TOX2: variants seen among roughly 807,000 people sequenced by gnomAD.
The protein encoded by TOX2 is granulosa cell HMG box 1.
A neutral mutation model predicts 47.4 loss-of-function variants in TOX2; 15 were observed. The observed-to-expected ratio is 0.32, with a 90% CI of 0.21 to 0.49. The LOEUF (loss-of-function observed/expected upper bound fraction) is 0.49. TOX2 is among the 20% of genes least tolerant of loss of function. TOX2 has a pLI of 0.99. For synonymous variants in TOX2, 290 were observed against 296.6 expected, an observed-to-expected ratio of 0.98 and a Z score of 0.23; for missense variants, 622 against 673.1, an observed-to-expected ratio of 0.92 and a Z score of 0.84.
chr20:44,014,103 C>T (rs1177887828), intron 3 of TOX2, among the ~76,000 whole-genome samples: 2 of 114,604 alleles, frequency 1.7e-5, no homozygotes, highest in Admixed American at 1.3e-4. Flanking sequence ...TGCACTCCAG[C>T]GTGGGTGACA....
At chr20:44,021,180 G>C (rs1047203184) in intron 3 of TOX2, among the ~76,000 whole-genome samples, 1 of 152,102 alleles carries the variant, frequency 6.6e-6, no homozygotes, top group Admixed American at 6.5e-5. Flanking sequence ...TGACCAGAAC[G>C]CAAAATTCCT....
In TOX2 at chr20:44,068,789, CG is replaced by C. The variant is rs770153882; in HGVS notation, c.*105del. 1.3e-6 allele frequency: 2 copies of C among 1,491,912 alleles called. No homozygotes were observed. Among genetic ancestry groups the C allele is most frequent in the South Asian group, 2.4e-5 (2 of 84,776 alleles). 92.4% of individuals were successfully genotyped at this position (1,491,912 alleles called of 1,614,324 possible). On this transcript the variant is annotated 3_prime_UTR_variant, in exon 9 of 9. Transcript: ENST00000341197. ...CCTGGCCAGAGGCAGGGTGGCCCAT[CG>C]GAGAGAGCAGTGACACACCCATTGC...
At chr20:43,961,356 C>T (rs575051309) in intron 1 of TOX2, among the ~76,000 whole-genome samples, 6 of 152,112 alleles carry the variant, frequency 3.9e-5, no homozygotes, top group African/African-American at 1.4e-4. Flanking sequence ...TGGGAGGCAG[C>T]CTGGACTGTT....
chr20:43,982,264 G>A (rs2070182001), intron 2 of TOX2, among the ~76,000 whole-genome samples: 1 of 152,176 alleles, frequency 6.6e-6, no homozygotes, highest in Non-Finnish European at 1.5e-5. Flanking sequence ...AGGTGGTGGG[G>A]AGGTCTGGGG....
rs534379235 is a variant in TOX2 at position 43,930,610 on chromosome 20, T to C, written c.99+15620T>C. Among the ~76,000 whole-genome samples the C allele has an allele frequency of 2.6e-5, 4 of 152,214 alleles. No homozygotes were observed. The South Asian group carries it at 8.3e-4, about 32-fold the overall frequency. ...GAGGGAGGCGTCACTCCCAGTTGCT[T>C]GGGCTGGGGTATCTGGGGCACAGTT... On this transcript the variant is annotated intron_variant, in intron 1 of 8. Coordinates refer to ENST00000341197, the MANE Select transcript of TOX2 (RefSeq NM_001098797.2).
intron 1 of TOX2, among the ~76,000 whole-genome samples, chr20:43,934,495 C>T (rs2069298481): frequency 6.6e-6 from 1 of 152,170 alleles, no homozygotes; most frequent in African/African-American, 2.4e-5. Context: ...CATACTTTCT[C>T]TTCCTAAGGG....
At chr20:43,962,878 C>T (rs2069786088) in intron 1 of TOX2, among the ~76,000 whole-genome samples, 1 of 152,166 alleles carries the variant, frequency 6.6e-6, no homozygotes, top group African/African-American at 2.4e-5. Context: ...TGAAAAGAAA[C>T]AGGTGACATT....
chr20:43,960,323 C>T (rs2069736738), intron 1 of TOX2, among the ~76,000 whole-genome samples: 1 of 152,188 alleles, frequency 6.6e-6, no homozygotes, highest in African/African-American at 2.4e-5. Context: ...TCTCTCTGGG[C>T]AGCTCCATGG....
intron 3 of TOX2, among the ~76,000 whole-genome samples, chr20:44,032,599 T>C (rs1448548237): frequency 6.6e-6 from 1 of 151,978 alleles, no homozygotes; most frequent in Admixed American, 6.6e-5. Context: ...TTATAGGGGC[T>C]TGTGGCTCAG....
At chr20:43,977,664 A>G (rs1349094609) in intron 2 of TOX2, among the ~76,000 whole-genome samples, 1 of 152,018 alleles carries the variant, frequency 6.6e-6, no homozygotes, top group East Asian at 1.9e-4. Context: ...AGCTTCTACA[A>G]ATGATCACAC....
At chr20:44,061,648 CAAA>C (rs2071720524) in intron 5 of TOX2, among the ~76,000 whole-genome samples, 2 of 151,852 alleles carry the variant, frequency 1.3e-5, no homozygotes, top group Admixed American at 6.6e-5. Context: ...AAAGAGCATC[CAAA>C]TCTGTAAAGA....
At chr20:43,993,145 T>C (rs1000137066) in intron 2 of TOX2, among the ~76,000 whole-genome samples, 1 of 152,100 alleles carries the variant, frequency 6.6e-6, no homozygotes, top group African/African-American at 2.4e-5. Flanking sequence ...GGAAGGAGAC[T>C]GGGCCGGATC....
chr20:44,059,486 C>G (rs560595063), intron 5 of TOX2, among the ~76,000 whole-genome samples: 1 of 151,394 alleles, frequency 6.6e-6, no homozygotes, highest in East Asian at 1.9e-4. Flanking sequence ...TGCTAGAGAT[C>G]TAGACATCCA....
intron 2 of TOX2, among the ~76,000 whole-genome samples, chr20:43,974,824 C>T (rs2070046672): frequency 6.6e-6 from 1 of 152,216 alleles, no homozygotes; most frequent in African/African-American, 2.4e-5. Flanking sequence ...GTGCTGCGCC[C>T]CCTCCCCTGC....
intron 3 of TOX2, among the ~76,000 whole-genome samples, chr20:44,050,195 T>C (rs1263469244): frequency 1.3e-5 from 2 of 152,226 alleles, no homozygotes; most frequent in African/African-American, 4.8e-5. Flanking sequence ...ATTTGTCATT[T>C]GTCAATTAAA....
At chr20:44,042,468 A>G (rs987213515) in intron 3 of TOX2, among the ~76,000 whole-genome samples, 5 of 152,252 alleles carry the variant, frequency 3.3e-5, no homozygotes, top group Non-Finnish European at 7.3e-5. Flanking sequence ...CAAAACTCCA[A>G]GGGAGAAGTT....
chr20:44,052,192 C>G (rs1011925606), intron 4 of TOX2, among the ~76,000 whole-genome samples: 6 of 152,148 alleles, frequency 3.9e-5, no homozygotes, highest in African/African-American at 1.4e-4. Flanking sequence ...AACATGCATT[C>G]CCCCAACATT....
intron 6 of TOX2, 64 bp downstream of exon 6, chr20:44,064,921 G>C (rs902469022): frequency 5.5e-5 from 84 of 1,519,544 alleles, no homozygotes; most frequent in Non-Finnish European, 7.2e-5. Context: ...AATGGAGCAA[G>C]AACTGGGGCC....
At chr20:44,060,989 T>C (rs6103589) in intron 5 of TOX2, among the ~76,000 whole-genome samples, 13,250 of 151,970 alleles carry the variant, frequency 0.087, 849 homozygotes, top group African/African-American at 0.19. Context: ...TAAATAAAAC[T>C]GATAGACCAT....
Sources: gnomAD v4.1 joint callset for allele counts (sites outside exome capture counted in the v4.1 genomes callset) on GRCh38, gnomAD v4.1.1 for gene constraint, MANE v1.5 for transcripts, NCBI Gene and HGNC (gene_info 2026-07-23, HGNC 2026-07-21) for gene names.